The following MOSPD1 variants were observed in gnomAD, a reference collection of about 807,000 sequenced individuals.
MOSPD1 encodes motile sperm domain containing 1.
Under a neutral mutation model 16.7 loss-of-function variants are expected in MOSPD1, and 5 were observed. The ratio of observed to expected loss-of-function variants is 0.30; its 90% CI spans 0.16 to 0.63. The LOEUF (loss-of-function observed/expected upper bound fraction) is 0.63, where lower values mean the gene tolerates loss of function less well. Ranked by LOEUF, MOSPD1 falls within the 30% of genes least tolerant of loss-of-function variation. The pLI, the probability that MOSPD1 is intolerant of heterozygous loss-of-function variation, is 0.82. For synonymous variants in MOSPD1, 67 were observed against 59.2 expected, an observed-to-expected ratio of 1.13 and a Z score of -0.61; for missense variants, 104 against 153.6, an observed-to-expected ratio of 0.68 and a Z score of 1.71.
At chrX:134,903,809 G>A (rs1399444576) in intron 1 of MOSPD1, among the ~76,000 whole-genome samples, 4 of 110,458 alleles carry the variant, frequency 3.6e-5, no homozygotes, top group Non-Finnish European at 5.7e-5. Flanking sequence ...GGGAGGCCAA[G>A]GCAGGCAGAT....
intron 1 of MOSPD1, among the ~76,000 whole-genome samples, chrX:134,904,135 CA>C (rs773986029): frequency 8.0e-5 from 9 of 112,229 alleles, no homozygotes; most frequent in East Asian, 2.8e-4. Context: ...CTCTGCATGG[CA>C]AAAAAACTTT....
At position 134,910,711 on chromosome X, in the gene MOSPD1, A is replaced by C. The variant is rs541907972; in HGVS notation, c.-102+4471T>G. On this transcript the variant is annotated intron_variant, in intron 1 of 5. Transcript: ENST00000370783. ...GAATGTGTGTAGAAGCATGAAAGGG[A>C]TGCTTAAAATGAGCTTTGGCATTGC... is the stretch of plus-strand genomic sequence containing the variant. 1.4e-4 allele frequency among the ~76,000 whole-genome samples: 16 copies of C among 112,172 alleles called. No homozygotes were observed. The South Asian group carries it at 2.6e-3, about 18-fold the overall frequency.
chrX:134,907,799 G>A (rs1008373405), intron 1 of MOSPD1, among the ~76,000 whole-genome samples: 3 of 112,797 alleles, frequency 2.7e-5, no homozygotes, highest in East Asian at 2.8e-4. Flanking sequence ...CCAGGAAGAC[G>A]GAGGTTGCAC....
chrX:134,914,331 A>C (rs1207786748), intron 1 of MOSPD1, among the ~76,000 whole-genome samples: 1 of 111,663 alleles, frequency 9.0e-6, no homozygotes, highest in African/African-American at 3.3e-5. Flanking sequence ...ACTTTCTTTC[A>C]AAGGGGGAAA....
Position 134,888,324 on chromosome X carries a change from G to C in MOSPD1, c.*837C>G, listed in dbSNP as rs1248933339. 8.9e-6 allele frequency: 1 copy of C among 112,036 alleles called. No homozygotes were observed. Among genetic ancestry groups the C allele is most frequent in the African/African-American group, 3.2e-5 (1 of 30,774 alleles). The allele number at this position is 112,036 out of a possible 1,213,427, so 9.2% of individuals were successfully genotyped here. On this transcript the variant is annotated 3_prime_UTR_variant, in exon 6 of 6. Coordinates refer to ENST00000370783, the MANE Select transcript of MOSPD1 (RefSeq NM_019556.3). ...AAATCATCTCCACATAAATCACCTG[G>C]TATCTGGTAATCCCAGTCTGGGTAA... is the stretch of plus-strand genomic sequence containing the variant.
chrX:134,890,229 G>A (rs1000272391), intron 5 of MOSPD1, among the ~76,000 whole-genome samples: 3 of 110,855 alleles, frequency 2.7e-5, no homozygotes, highest in Non-Finnish European at 5.7e-5. Context: ...AAGGCTTTAT[G>A]CAGTGATTTA....
In MOSPD1 at chrX:134,909,078, T is replaced by C. The variant is rs774490789; in HGVS notation, c.-102+6104A>G. Among the ~76,000 whole-genome samples the C allele has an allele frequency of 5.0e-3, 547 of 109,139 alleles. 1 individual carries two copies. The highest frequency in any genetic ancestry group is 0.018 in the African/African-American group (521 of 29,753). The allele number at this position is 109,139 out of a possible 115,157, so 94.8% of individuals were successfully genotyped here. The stretch of plus-strand genomic sequence containing the variant: ...ATCAGGAGATCGAGACCATCCTGGA[T>C]AACACAGTGAAATCCCGTCTCTACT... On this transcript the variant is annotated intron_variant, in intron 1 of 5. Transcript: ENST00000370783.
chrX:134,891,611 A>G lies in MOSPD1; in HGVS notation c.478T>C (p.Leu160=), dbSNP rs1353245266. 4 of 1,211,362 alleles carry G rather than the reference A, an allele frequency of 3.3e-6. No homozygotes were observed. Among genetic ancestry groups the G allele is most frequent in the Middle Eastern group, 4.6e-4 (2 of 4,353 alleles). Reference sequence around the variant, plus strand: ...ACCACTCCCAGGAAGACAGTTAGTAAACTAGGTCCTGAGGATACAGCTCTG... The same window carrying G: ...ACCACTCCCAGGAAGACAGTTAGTAGACTAGGTCCTGAGGATACAGCTCTG... ...ENRAVSSGPS[L]LTVFLGVVCI... Residue 160 remains leucine, a synonymous_variant, in exon 5 of 6, where the codon TTA becomes CTA. Transcript: ENST00000370783.
At chrX:134,897,542 T>G (rs1449041369) in intron 3 of MOSPD1, among the ~76,000 whole-genome samples, 2 of 84,300 alleles carry the variant, frequency 2.4e-5, no homozygotes, top group East Asian at 7.2e-4. Flanking sequence ...AGACTCTGTC[T>G]TATTAAAAAA....
chrX:134,895,485 C>A (rs1264612270), intron 4 of MOSPD1, among the ~76,000 whole-genome samples: 1 of 111,418 alleles, frequency 9.0e-6, no homozygotes, highest in African/African-American at 3.3e-5. Context: ...CCTTATTATT[C>A]TTGGTTATTA....
intron 4 of MOSPD1, 181 bp downstream of exon 4, chrX:134,896,636 G>T: frequency 2.3e-6 from 1 of 435,065 alleles, no homozygotes. Flanking sequence ...TCCTCTCAAA[G>T]TCCACCTCCA....
chrX:134,896,376 T>C (rs1221983152), intron 4 of MOSPD1, among the ~76,000 whole-genome samples: 2 of 109,996 alleles, frequency 1.8e-5, no homozygotes, highest in Admixed American at 9.8e-5. Context: ...CAAAATAATA[T>C]GAACAGTGCA....
intron 4 of MOSPD1, among the ~76,000 whole-genome samples, chrX:134,896,448 GGA>G (rs1483828653): frequency 9.0e-6 from 1 of 110,773 alleles, no homozygotes; most frequent in East Asian, 2.8e-4. Flanking sequence ...AAATGAGAAA[GGA>G]TATAGGAAAG....
chrX:134,901,095 T>C (rs1894517), intron 1 of MOSPD1, among the ~76,000 whole-genome samples: 23,364 of 109,428 alleles, frequency 0.21, 1,920 homozygotes, highest in Non-Finnish European at 0.24. Context: ...TTCTATCAAA[T>C]AGGAGCTATA....
intron 1 of MOSPD1, among the ~76,000 whole-genome samples, chrX:134,911,840 G>A (rs1175334737): frequency 1.8e-5 from 2 of 112,018 alleles, no homozygotes; most frequent in East Asian, 2.8e-4. Flanking sequence ...CACTAATAAC[G>A]TGGTCTGCCT....
Position 134,888,767 on chromosome X carries a change from GAATA to G in MOSPD1, c.*390_*393del, listed in dbSNP as rs1486760528. The G allele has an allele frequency of 8.9e-6, 1 of 112,692 alleles. No individual in the cohort carries two copies. Among genetic ancestry groups the G allele is most frequent in the Admixed American group, 9.6e-5 (1 of 10,427 alleles). 9.3% of individuals were successfully genotyped at this position (112,692 alleles called of 1,213,427 possible). On this transcript the variant is annotated 3_prime_UTR_variant, in exon 6 of 6. Transcript: ENST00000370783. ...AATAACGCTGATGTTTGTAGCTAGGGAATAAATGTCATTTTAGTTTTAGGCCGGT... is the reference window on the plus strand; with the variant it reads ...AATAACGCTGATGTTTGTAGCTAGGGAATGTCATTTTAGTTTTAGGCCGGT...
At chrX:134,912,096 G>C (rs1569469840) in intron 1 of MOSPD1, among the ~76,000 whole-genome samples, 1 of 112,365 alleles carries the variant, frequency 8.9e-6, no homozygotes, top group Non-Finnish European at 1.9e-5. Flanking sequence ...TATTGCCCAG[G>C]CTGGAGTGCA....
At chrX:134,899,803 C>T (rs2082903461) in intron 1 of MOSPD1, 1 of 119,471 alleles carries the variant, frequency 8.4e-6, no homozygotes, top group Non-Finnish European at 1.7e-5. Flanking sequence ...ATCAAAAATA[C>T]AAAAATTAGC....
intron 1 of MOSPD1, among the ~76,000 whole-genome samples, chrX:134,910,912 A>C (rs189848611): frequency 8.9e-6 from 1 of 112,446 alleles, no homozygotes; most frequent in Non-Finnish European, 1.9e-5. Context: ...GACCTACTGA[A>C]TCAGAAATTC....
Sources: allele counts gnomAD v4.1 joint callset (sites outside exome capture counted in the v4.1 genomes callset), GRCh38; gene constraint gnomAD v4.1.1; transcripts MANE v1.5; gene names NCBI Gene and HGNC (gene_info 2026-07-23, HGNC 2026-07-21).